SPACA7: variants seen among roughly 807,000 people sequenced by gnomAD.
SPACA7 encodes the protein sperm acrosome-associated protein 7.
Under a neutral mutation model 26.3 loss-of-function variants are expected in SPACA7, and 19 were observed. The ratio of observed to expected loss-of-function variants is 0.72; its 90% CI spans 0.50 to 1.06. SPACA7 has a LOEUF of 1.06. Among genes scored for constraint, SPACA7 ranks in the 50% least tolerant of loss-of-function variants. The probability of loss-of-function intolerance (pLI) is 0.00; values close to 1 mark genes in which losing one functional copy is unlikely to be tolerated. For missense variants in SPACA7, 211 were observed against 229.9 expected, an observed-to-expected ratio of 0.92 and a Z score of 0.53; for synonymous variants, 84 against 84.5, an observed-to-expected ratio of 0.99 and a Z score of 0.04.
chr13:112,417,374 C>T (rs1886760040), intron 5 of SPACA7, among the ~76,000 whole-genome samples: 1 of 151,886 alleles, frequency 6.6e-6, no homozygotes, highest in South Asian at 2.1e-4. Flanking sequence ...TTCTGACTTA[C>T]TTTTCTACCT....
intron 5 of SPACA7, among the ~76,000 whole-genome samples, chr13:112,429,502 T>C (rs1876860704): frequency 6.6e-6 from 1 of 152,244 alleles, no homozygotes; most frequent in African/African-American, 2.4e-5. Flanking sequence ...ATGTCTTATC[T>C]TTGTCTATCA....
chr13:112,390,812 AG>A (rs1484423660), intron 1 of SPACA7, among the ~76,000 whole-genome samples: 33 of 152,310 alleles, frequency 2.2e-4, no homozygotes, highest in Non-Finnish European at 1.5e-5. Flanking sequence ...CTCCAACACT[AG>A]GAATTACAAT....
intron 5 of SPACA7, 53 bp from the exon 6 acceptor site, chr13:112,432,391 A>G: frequency 7.0e-7 from 1 of 1,418,444 alleles, no homozygotes; most frequent in Non-Finnish European, 1.0e-6. Flanking sequence ...AAGTGGAATC[A>G]TGCCTTAATT....
chr13:112,413,252 G>A (rs1886465807), intron 5 of SPACA7, among the ~76,000 whole-genome samples: 1 of 152,046 alleles, frequency 6.6e-6, no homozygotes, highest in Non-Finnish European at 1.5e-5. Context: ...AGCCTTTCTT[G>A]TAAGACAGGT....
intron 2 of SPACA7, among the ~76,000 whole-genome samples, chr13:112,395,814 C>T (rs1328359576): frequency 2.6e-5 from 4 of 152,164 alleles, no homozygotes; most frequent in Non-Finnish European, 5.9e-5. Flanking sequence ...TGTATTTCAG[C>T]TTCTCCTCTC....
rs1566469980 is a variant in SPACA7 at position 112,401,148 on chromosome 13, GA to G, written c.430del (p.Ser144ValfsTer67). ...GPQVSPGSEK[S>X]VSSKEKNSKN... ...CACAGGTGTCTCCTGGCAGTGAGAA[GA>G]GTGTTTCCAGTAAAGGTAAATGTGC... On this transcript the variant is annotated frameshift_variant, in exon 5 of 7. Coordinates refer to ENST00000283550, the MANE Select transcript of SPACA7 (RefSeq NM_145248.5). LOFTEE classifies it high-confidence loss of function. 1 of 1,613,986 alleles carries G rather than the reference GA, an allele frequency of 6.2e-7. No individual in the cohort carries two copies. Among genetic ancestry groups the G allele is most frequent in the African/African-American group, 1.3e-5 (1 of 75,012 alleles).
chr13:112,426,559 C>A (rs1876554177), intron 5 of SPACA7, among the ~76,000 whole-genome samples: 2 of 152,162 alleles, frequency 1.3e-5, no homozygotes, highest in Admixed American at 6.5e-5. Context: ...TTATTTAGAT[C>A]TTTGCTTTCT....
intron 5 of SPACA7, among the ~76,000 whole-genome samples, chr13:112,426,181 C>T (rs1367128112): frequency 1.3e-5 from 2 of 152,226 alleles, no homozygotes; most frequent in African/African-American, 4.8e-5. Flanking sequence ...AAAAATTCAA[C>T]TTTCTCTCTT....
intron 5 of SPACA7, among the ~76,000 whole-genome samples, chr13:112,410,850 C>T (rs950627703): frequency 6.6e-6 from 1 of 152,120 alleles, no homozygotes; most frequent in Non-Finnish European, 1.5e-5. Flanking sequence ...CATTTATACC[C>T]CTGTGTTCAT....
intron 1 of SPACA7, chr13:112,382,574 G>C: frequency 1.3e-6 from 2 of 1,522,932 alleles, no homozygotes; most frequent in Middle Eastern, 1.7e-4. Flanking sequence ...GGCTTCCAAG[G>C]CTTGTGTGGT....
intron 1 of SPACA7, among the ~76,000 whole-genome samples, chr13:112,387,094 T>A (rs935210305): frequency 2.6e-5 from 4 of 152,236 alleles, no homozygotes; most frequent in Admixed American, 1.3e-4. Flanking sequence ...TCTTAGCTAC[T>A]GAGTTACAGC....
intron 5 of SPACA7, among the ~76,000 whole-genome samples, chr13:112,412,786 A>G (rs955443335): frequency 6.6e-6 from 1 of 152,144 alleles, no homozygotes; most frequent in Non-Finnish European, 1.5e-5. Flanking sequence ...ATTTATTTCT[A>G]GATTCCCTAT....
chr13:112,381,493 C>CA (rs1884057942), intron 1 of SPACA7, among the ~76,000 whole-genome samples: 3 of 142,614 alleles, frequency 2.1e-5, no homozygotes, highest in Admixed American at 6.9e-5. Context: ...ACCCTGTCCC[C>CA]CAAAAAAAAA....
intron 5 of SPACA7, among the ~76,000 whole-genome samples, chr13:112,417,765 G>A (rs979187929): frequency 9.2e-5 from 14 of 152,204 alleles, no homozygotes; most frequent in Non-Finnish European, 1.5e-4. Flanking sequence ...TCAATATTAG[G>A]CTTTTTCTAG....
chr13:112,411,164 T>C (rs1431066175), intron 5 of SPACA7, among the ~76,000 whole-genome samples: 3 of 146,238 alleles, frequency 2.1e-5, no homozygotes, highest in Non-Finnish European at 4.4e-5. Context: ...TTCCTGTTCT[T>C]TAAATTATAA....
chr13:112,413,255 A>C (rs1046390421), intron 5 of SPACA7, among the ~76,000 whole-genome samples: 1 of 152,124 alleles, frequency 6.6e-6, no homozygotes, highest in African/African-American at 2.4e-5. Context: ...CTTTCTTGTA[A>C]GACAGGTCTG....
chr13:112,414,313 A>T (rs112963350), intron 5 of SPACA7, among the ~76,000 whole-genome samples: 10 of 98,180 alleles, frequency 1.0e-4, no homozygotes, highest in Non-Finnish European at 1.7e-4. Context: ...CCCAGGATTT[A>T]TTATTGTTAT....
At chr13:112,388,722 A>T (rs1884690741) in intron 1 of SPACA7, among the ~76,000 whole-genome samples, 1 of 152,260 alleles carries the variant, frequency 6.6e-6, no homozygotes, top group Non-Finnish European at 1.5e-5. Flanking sequence ...TAATTCACCC[A>T]GAGCCAGCTG....
intron 1 of SPACA7, among the ~76,000 whole-genome samples, chr13:112,384,673 A>G (rs1884415541): frequency 6.6e-6 from 1 of 152,210 alleles, no homozygotes; most frequent in South Asian, 2.1e-4. Flanking sequence ...TGATAACTTC[A>G]AAATCTTAAA....
Sources: allele counts gnomAD v4.1 joint callset (sites outside exome capture counted in the v4.1 genomes callset), GRCh38; gene constraint gnomAD v4.1.1; transcripts MANE v1.5; gene names NCBI Gene and HGNC (gene_info 2026-07-23, HGNC 2026-07-21).